Variants in WHRN observed in about 807,000 individuals in gnomAD.
The protein encoded by WHRN is CASK-interacting protein CIP98.
A neutral mutation model predicts 68.3 loss-of-function variants in WHRN; 41 were observed. That is an observed-to-expected ratio of 0.60 (90% CI 0.47 to 0.78). The LOEUF (loss-of-function observed/expected upper bound fraction) is 0.78. WHRN is among the 30% of genes least tolerant of loss of function. WHRN has a pLI of 0.00. For synonymous variants in WHRN, 560 were observed against 561.3 expected, an observed-to-expected ratio of 1.00 and a Z score of 0.03; for missense variants, 1,243 against 1,244.7, an observed-to-expected ratio of 1.00 and a Z score of 0.02.
intron 7 of WHRN, among the ~76,000 whole-genome samples, chr9:114,421,720 C>G (rs1836304338): frequency 6.6e-6 from 1 of 152,192 alleles, no homozygotes; most frequent in African/African-American, 2.4e-5. Context: ...ACCCTTAAAC[C>G]AGATCCTCAC....
At chr9:114,463,277 T>TTTCC (rs1840393857) in intron 3 of WHRN, among the ~76,000 whole-genome samples, 1 of 152,216 alleles carries the variant, frequency 6.6e-6, no homozygotes, top group Non-Finnish European at 1.5e-5. Flanking sequence ...TGTAGCTGGG[T>TTTCC]CTGAACCCCC....
chr9:114,470,307 G>C (rs1425723909), intron 2 of WHRN, among the ~76,000 whole-genome samples: 1 of 152,156 alleles, frequency 6.6e-6, no homozygotes, highest in East Asian at 1.9e-4. Flanking sequence ...GAAGAGGGAA[G>C]ATGCCATTCC....
rs553751990 is a variant in WHRN, at chr9:114,447,999, C to T, written c.963+18268G>A. On this transcript the variant is annotated intron_variant, in intron 3 of 11. Coordinates refer to ENST00000362057, the MANE Select transcript of WHRN (RefSeq NM_015404.4). ...TCCAAAAATGGCCACAGCAATATTT[C>T]GAGTTTCATGTGCCCCCTAGGGCCC... Among the ~76,000 whole-genome samples the T allele has an allele frequency of 1.1e-4, 16 of 152,252 alleles. No individual in the cohort carries two copies. The East Asian group carries it at 1.5e-3, about 15-fold the overall frequency.
chr9:114,485,284 G>C (rs1317538412), intron 1 of WHRN, among the ~76,000 whole-genome samples: 1 of 152,268 alleles, frequency 6.6e-6, no homozygotes, highest in South Asian at 2.1e-4. Flanking sequence ...ACCTTGCCTA[G>C]CTGGGGCTTT....
At position 114,418,452 on chromosome 9, in the gene WHRN, TC is replaced by T. The variant is rs1483941447; in HGVS notation, c.1626+4861del. Among the ~76,000 whole-genome samples the T allele has an allele frequency of 2.0e-5, 3 of 152,186 alleles. No individual in the cohort carries two copies. The East Asian group carries it at 5.8e-4, about 29-fold the overall frequency. ...CCACAGACCTCTGGGTGTGGCTGGT[TC>T]CTAGGAATTAACCAGTTCACCTTGG... is the stretch of plus-strand genomic sequence containing the variant. On this transcript the variant is annotated intron_variant, in intron 7 of 11. Coordinates refer to ENST00000362057, the MANE Select transcript of WHRN (RefSeq NM_015404.4).
In WHRN at chr9:114,413,542, C is replaced by T. The variant is rs535478985; in HGVS notation, c.1627-5524G>A. ...CTGGAAGTGTCAGTCATGCAGGTGGCGACGGGGAATCATTGGACCTGCAAT... is the reference window on the plus strand; with the variant it reads ...CTGGAAGTGTCAGTCATGCAGGTGGTGACGGGGAATCATTGGACCTGCAAT... On this transcript the variant is annotated intron_variant, in intron 7 of 11. Coordinates refer to ENST00000362057, the MANE Select transcript of WHRN (RefSeq NM_015404.4). Among the ~76,000 whole-genome samples, 86 of 152,198 alleles carry T rather than the reference C, an allele frequency of 5.7e-4. No individual in the cohort carries two copies. In the Middle Eastern group the frequency reaches 0.014, roughly 24 times the overall value.
chr9:114,485,692 T>TA (rs1456267042), intron 1 of WHRN, among the ~76,000 whole-genome samples: 1 of 151,130 alleles, frequency 6.6e-6, no homozygotes, highest in Non-Finnish European at 1.5e-5. Flanking sequence ...ACTCCGTCTC[T>TA]AAATAAATAA....
chr9:114,408,575 G>T (rs1835203951), intron 7 of WHRN, among the ~76,000 whole-genome samples: 1 of 152,216 alleles, frequency 6.6e-6, no homozygotes, highest in African/African-American at 2.4e-5. Context: ...GTGACACTGG[G>T]CTGCCAAAAG....
intron 3 of WHRN, among the ~76,000 whole-genome samples, chr9:114,430,291 T>C (rs1837300225): frequency 6.6e-6 from 1 of 152,240 alleles, no homozygotes; most frequent in East Asian, 1.9e-4. Flanking sequence ...GATGCCCAGT[T>C]AAACTTGAAT....
At position 114,403,285 on chromosome 9, in the gene WHRN, T is replaced by C. The variant is rs1407281489; in HGVS notation, c.2473A>G (p.Thr825Ala). Residue 825 changes from threonine (T) to alanine (A), a missense_variant, in exon 11 of 12, where the codon ACC (threonine) becomes GCC (alanine). Physicochemically the swap from Thr to Ala is moderately conservative, Grantham distance 58 (BLOSUM62 0). Transcript: ENST00000362057. ...TLVRVKKSAA[T>A]LGIAIEGGAN... ...CCACCCTCGATGGCGATGCCCAGGG[T>C]GGCCGCACTTTTCTTCACACGGACC... The C allele has an allele frequency of 1.9e-6, 3 of 1,613,788 alleles. No individual in the cohort carries two copies. In the African/African-American group the frequency reaches 4.0e-5, roughly 22 times the overall value.
intron 1 of WHRN, among the ~76,000 whole-genome samples, chr9:114,483,617 CA>C (rs1390911248): frequency 6.6e-6 from 1 of 152,172 alleles, no homozygotes; most frequent in Non-Finnish European, 1.5e-5. Context: ...CTTCTCTCAC[CA>C]GAGCAGCCTA....
At chr9:114,499,469 T>A (rs1843735546) in intron 1 of WHRN, among the ~76,000 whole-genome samples, 1 of 152,214 alleles carries the variant, frequency 6.6e-6, no homozygotes, top group Admixed American at 6.5e-5. Flanking sequence ...GATTCGCTGG[T>A]CCTGGCTGAG....
intron 3 of WHRN, among the ~76,000 whole-genome samples, chr9:114,450,637 T>A (rs1839238080): frequency 6.6e-6 from 1 of 152,160 alleles, no homozygotes. Flanking sequence ...CTAGAGATTC[T>A]CTGGCTACAT....
In WHRN at chr9:114,448,275, A is replaced by G. The variant is rs560485784; in HGVS notation, c.963+17992T>C. Among the ~76,000 whole-genome samples, 2 of 152,306 alleles carry G rather than the reference A, an allele frequency of 1.3e-5. 1 individual carries two copies. The highest frequency in any genetic ancestry group is 4.8e-5 in the African/African-American group (2 of 41,542). On this transcript the variant is annotated intron_variant, in intron 3 of 11. Transcript: ENST00000362057. ...CATGCAGGGAAGAACACACGAAGAC[A>G]GGGGCAGAGACTAGAGTGACACTGC...
At position 114,505,132 on chromosome 9, in the gene WHRN, G is replaced by A. The variant is rs955676552; in HGVS notation, c.-331C>T. 150 of 292,690 alleles carry A rather than the reference G, an allele frequency of 5.1e-4. 3 individuals carry two copies. Among genetic ancestry groups the A allele is most frequent in the African/African-American group, 3.0e-3 (137 of 45,296 alleles). 18.1% of individuals were successfully genotyped at this position (292,690 alleles called of 1,614,324 possible). A position where few individuals can be genotyped will look rare whatever the true frequency, so the allele number is the denominator to read the frequency against. ...GAGTCCGGGGGGCGCGGGGTCAGCAGCTACATTCTGGAGGGCACGGAGACG... is the reference window on the plus strand; with the variant it reads ...GAGTCCGGGGGGCGCGGGGTCAGCAACTACATTCTGGAGGGCACGGAGACG... On this transcript the variant is annotated 5_prime_UTR_variant, in exon 1 of 12. Transcript: ENST00000362057.
chr9:114,446,997 C>T (rs1242481692), intron 3 of WHRN, among the ~76,000 whole-genome samples: 1 of 152,026 alleles, frequency 6.6e-6, no homozygotes, highest in African/African-American at 2.4e-5. Context: ...GTGCTCCTCC[C>T]AATTCTTCCT....
intron 1 of WHRN, among the ~76,000 whole-genome samples, chr9:114,493,013 T>A (rs1157493196): frequency 2.0e-5 from 3 of 151,534 alleles, no homozygotes; most frequent in Middle Eastern, 3.2e-3. Context: ...CAAGGCCCTA[T>A]CTCAAAAAAA....
chr9:114,433,660 CA>C (rs2132497061), intron 3 of WHRN, among the ~76,000 whole-genome samples: 1 of 151,854 alleles, frequency 6.6e-6, no homozygotes, highest in African/African-American at 2.4e-5. Flanking sequence ...CCCAACAGTT[CA>C]AAAGTCAGTA....
chr9:114,449,199 C>T (rs1839096054), intron 3 of WHRN, among the ~76,000 whole-genome samples: 1 of 152,192 alleles, frequency 6.6e-6, no homozygotes, highest in Non-Finnish European at 1.5e-5. Flanking sequence ...TTGGCATGAC[C>T]ACATGTAAAG....
Sources: allele counts gnomAD v4.1 joint callset (sites outside exome capture counted in the v4.1 genomes callset), GRCh38; gene constraint gnomAD v4.1.1; transcripts MANE v1.5; gene names NCBI Gene and HGNC (gene_info 2026-07-23, HGNC 2026-07-21).